DNM1: variants seen among roughly 807,000 people sequenced by gnomAD.
The protein encoded by DNM1 is dynamin-1.
DNM1 carries 29 observed loss-of-function variants against 104.6 expected under a neutral mutation model. That is an observed-to-expected ratio of 0.28 (90% CI 0.21 to 0.38). DNM1 has a LOEUF of 0.38. DNM1 is among the 10% of genes least tolerant of loss of function. The pLI, the probability that DNM1 is intolerant of heterozygous loss-of-function variation, is 1.00. For synonymous variants in DNM1, 445 were observed against 475.8 expected, an observed-to-expected ratio of 0.94 and a Z score of 0.84; for missense variants, 640 against 1,189.4, an observed-to-expected ratio of 0.54 and a Z score of 6.79.
chr9:128,251,335 C>G, intron 21 of DNM1: 1 of 369,300 alleles, frequency 2.7e-6, no homozygotes, highest in South Asian at 2.0e-5. Flanking sequence ...GGGAGCCTAC[C>G]TTAGGTCTGA....
In DNM1 at chr9:128,222,678, T is replaced by G; in HGVS notation, c.1128+82T>G. ...GGACTCTCTCTGCGTGTGTTTTTGC[T>G]GGCCCCCACCCCACAGGCCCTGATG... On this transcript the variant is annotated intron_variant, in intron 8 of 21. Coordinates refer to ENST00000372923, the MANE Select transcript of DNM1 (RefSeq NM_004408.4). The surrounding 1 kb of genome is among the most constrained non-coding windows in gnomAD (Gnocchi z 7.8). 1 of 1,602,418 alleles carries G rather than the reference T, an allele frequency of 6.2e-7. No individual in the cohort carries two copies. Among genetic ancestry groups the G allele is most frequent in the Non-Finnish European group, 8.5e-7 (1 of 1,171,864 alleles).
At chr9:128,212,840 T>C (rs1834381841) in intron 1 of DNM1, among the ~76,000 whole-genome samples, 1 of 152,238 alleles carries the variant, frequency 6.6e-6, no homozygotes, top group Non-Finnish European at 1.5e-5. Flanking sequence ...TTTGGTATAT[T>C]CACAGAGTGG....
chr9:128,250,029 C>T (rs1829417685), intron 19 of DNM1, 86 bp from the exon 20 acceptor site: 2 of 1,599,278 alleles, frequency 1.3e-6, no homozygotes, highest in Non-Finnish European at 1.7e-6. Flanking sequence ...GCCACACCAG[C>T]TCACAGTCCC....
chr9:128,248,444 G>A lies in DNM1; in HGVS notation c.1906-139G>A, dbSNP rs1046110060. 1 of 931,056 alleles carries A rather than the reference G, an allele frequency of 1.1e-6. No homozygotes were observed. Among genetic ancestry groups the A allele is most frequent in the Non-Finnish European group, 1.6e-6 (1 of 634,220 alleles). The allele number at this position is 931,056 out of a possible 1,614,324, so 57.7% of individuals were successfully genotyped here. On this transcript the variant is annotated intron_variant, in intron 18 of 21. Transcript: ENST00000372923. The surrounding 1 kb of genome is among the most constrained non-coding windows in gnomAD (Gnocchi z 5.6). ...GTCCTGAGAGGCACAGGGATGCGGA[G>A]CCAGGTATGTATTCAGGCCAGTCGC...
At chr9:128,207,791 C>T (rs1007895308) in intron 1 of DNM1, among the ~76,000 whole-genome samples, 3 of 152,130 alleles carry the variant, frequency 2.0e-5, no homozygotes, top group African/African-American at 2.4e-5. Context: ...GCATGGAGGA[C>T]GCGCTGCTTC....
In DNM1 at chr9:128,203,572, C is replaced by A. The variant is rs1478390889; in HGVS notation, c.102C>A (p.Ile34=). 1 of 1,551,156 alleles carries A rather than the reference C, an allele frequency of 6.4e-7. No homozygotes were observed. ...ACGCGGACCTCGACCTGCCGCAGAT[C>A]GCTGTGGTGGGCGGCCAGAGCGCCG... ...GQNADLDLPQ[I]AVVGGQSAGK... Residue 34 remains isoleucine, a synonymous_variant, in exon 1 of 22, where the codon ATC becomes ATA. Transcript: ENST00000372923. The surrounding 1 kb of genome is among the most constrained non-coding windows in gnomAD (Gnocchi z 5.3).
intron 1 of DNM1, among the ~76,000 whole-genome samples, chr9:128,215,255 T>C (rs1022049021): frequency 4.6e-5 from 7 of 152,216 alleles, no homozygotes; most frequent in Admixed American, 4.6e-4. Flanking sequence ...CTCCTCAGCA[T>C]GGGGCAGATG....
At chr9:128,227,879 T>C (rs1835440487) in intron 10 of DNM1, among the ~76,000 whole-genome samples, 1 of 152,024 alleles carries the variant, frequency 6.6e-6, no homozygotes, top group Non-Finnish European at 1.5e-5. Flanking sequence ...AGAGACGGGG[T>C]TTTGCTGTAT....
At chr9:128,228,867 C>T (rs1394642767) in intron 10 of DNM1, among the ~76,000 whole-genome samples, 1 of 151,856 alleles carries the variant, frequency 6.6e-6, no homozygotes, top group Non-Finnish European at 1.5e-5. Flanking sequence ...CCTGTAGTCC[C>T]AGCTACTCAG....
At chr9:128,219,937 G>T in intron 4 of DNM1, 51 bp from the exon 5 acceptor site, 1 of 1,438,512 alleles carries the variant, frequency 7.0e-7, no homozygotes, top group African/African-American at 1.4e-5. Context: ...GCATGGAATT[G>T]TGTGTGAGAG....
At chr9:128,215,075 A>G (rs80014601) in intron 1 of DNM1, among the ~76,000 whole-genome samples, 10,332 of 152,258 alleles carry the variant, frequency 0.068, 619 homozygotes, top group East Asian at 0.34. Context: ...GCCAGGCAGG[A>G]ACCCGGAAGT....
At position 128,239,708 on chromosome 9, in the gene DNM1, C is replaced by T; in HGVS notation, c.1494-20C>T. The T allele has an allele frequency of 6.2e-7, 1 of 1,610,128 alleles. No homozygotes were observed. Among genetic ancestry groups the T allele is most frequent in the Non-Finnish European group, 8.5e-7 (1 of 1,177,768 alleles). On this transcript the variant is annotated intron_variant, in intron 12 of 21. Coordinates refer to ENST00000372923, the MANE Select transcript of DNM1 (RefSeq NM_004408.4). ...GGGCCTCTTGAGAAGTTCTGAGACT[C>T]CTCCCCTCCCTCCCATTAGTGCTCA...
chr9:128,237,691 T>G lies in DNM1; in HGVS notation c.1423-1754T>G, dbSNP rs74515155. ...TTCTCTATTACAAACTGTACTACTT[T>G]GAATACTCTGGCTCATGTATCTTTG... On this transcript the variant is annotated intron_variant, in intron 11 of 21. Coordinates refer to ENST00000372923, the MANE Select transcript of DNM1 (RefSeq NM_004408.4). Among the ~76,000 whole-genome samples the G allele has an allele frequency of 4.3e-3, 660 of 152,350 alleles. 6 individuals are homozygous for G. The highest frequency in any genetic ancestry group is 0.015 in the African/African-American group (640 of 41,586).
chr9:128,227,147 G>A (rs529916536), intron 10 of DNM1, among the ~76,000 whole-genome samples: 4 of 151,152 alleles, frequency 2.6e-5, no homozygotes, highest in African/African-American at 9.7e-5. Context: ...CCGGGTGGCT[G>A]GGATTACTAG....
In DNM1 at chr9:128,222,695, G is replaced by T; in HGVS notation, c.1129-98G>T. 6.3e-7 allele frequency: 1 copy of T among 1,598,804 alleles called. No individual in the cohort carries two copies. Among genetic ancestry groups the T allele is most frequent in the Non-Finnish European group, 8.6e-7 (1 of 1,168,586 alleles). ...GTTTTTGCTGGCCCCCACCCCACAGGCCCTGATGCCCAGCCCTAGGTGTGG... is the reference window on the plus strand; with the variant it reads ...GTTTTTGCTGGCCCCCACCCCACAGTCCCTGATGCCCAGCCCTAGGTGTGG... On this transcript the variant is annotated intron_variant, in intron 8 of 21. Transcript: ENST00000372923. This position sits in a 1 kb window ranked among gnomAD's most constrained non-coding sequence, Gnocchi z 7.8.
rs551388460 is a variant in DNM1, at chr9:128,231,057, C to T, written c.1336-2964C>T. On this transcript the variant is annotated intron_variant, in intron 10 of 21. Coordinates refer to ENST00000372923, the MANE Select transcript of DNM1 (RefSeq NM_004408.4). ...ACCTCAAGTGATCTGCCTGCCTCGA[C>T]CTCCCAAAGTGCTGGGATTACAGGC... Among the ~76,000 whole-genome samples, 7 of 152,292 alleles carry T rather than the reference C, an allele frequency of 4.6e-5. No individual in the cohort carries two copies. In the East Asian group the frequency reaches 1.4e-3, roughly 29 times the overall value.
chr9:128,213,106 G>C (rs1356951841), intron 1 of DNM1, among the ~76,000 whole-genome samples: 3 of 152,120 alleles, frequency 2.0e-5, no homozygotes, highest in Non-Finnish European at 4.4e-5. Context: ...GTTTGAGATA[G>C]AGTCTCACTC....
chr9:128,210,040 CTGTTT>C (rs796576189), intron 1 of DNM1, among the ~76,000 whole-genome samples: 7 of 150,746 alleles, frequency 4.6e-5, no homozygotes, highest in African/African-American at 7.2e-5. Context: ...TTTGTTTTGT[CTGTTT>C]TGTTTTGTTT....
Position 128,222,341 on chromosome 9 carries a change from TG to T in DNM1, c.992+3del. 1 of 1,612,602 alleles carries T rather than the reference TG, an allele frequency of 6.2e-7. No homozygotes were observed. The highest frequency in any genetic ancestry group is 1.1e-5 in the South Asian group (1 of 90,914). ...TCGCAAGACCAAGGCCCTGCTGCAG[TG>T]AGGCTCCCCCAGCTCCTATCACTGA... On this transcript the variant is annotated splice_donor_region_variant and intron_variant, in intron 7 of 21. Coordinates refer to ENST00000372923, the MANE Select transcript of DNM1 (RefSeq NM_004408.4). This position sits in a 1 kb window ranked among gnomAD's most constrained non-coding sequence, Gnocchi z 7.8.
Sources: allele counts gnomAD v4.1 joint callset (sites outside exome capture counted in the v4.1 genomes callset), GRCh38; gene constraint gnomAD v4.1.1; non-coding constraint Gnocchi (gnomAD v3.1); transcripts MANE v1.5; gene names NCBI Gene and HGNC (gene_info 2026-07-23, HGNC 2026-07-21).